SCAF8: variants seen among roughly 807,000 people sequenced by gnomAD.
SCAF8 encodes the protein SR-related and CTD-associated factor 8.
SCAF8 carries 23 observed loss-of-function variants against 140.5 expected under a neutral mutation model. The ratio of observed to expected loss-of-function variants is 0.16; its 90% CI spans 0.12 to 0.23. The LOEUF (loss-of-function observed/expected upper bound fraction) is 0.23, where lower values mean the gene tolerates loss of function less well. SCAF8 is among the 10% of genes least tolerant of loss of function. The probability of loss-of-function intolerance (pLI) is 1.00; values close to 1 mark genes in which losing one functional copy is unlikely to be tolerated. For synonymous variants in SCAF8, 575 were observed against 528.9 expected (o/e 1.09, Z -1.20); for missense variants, 1,397 against 1,555.7 (o/e 0.90, Z 1.72).
In SCAF8 at chr6:154,822,276, A is replaced by T. The variant is rs1426453102; in HGVS notation, c.1793A>T (p.Glu598Val). Residue 598 changes from glutamate to valine, a missense_variant and splice_region_variant, in exon 16 of 20, where the codon GAG becomes GTG. Around this residue, in one of 5 missense-constraint regions of SCAF8, gnomAD observed 930 missense variants for 874.6 expected, o/e 1.06. Transcript: ENST00000367178. ...AATCAATTTCAACTATTTTGTTTAG[A>T]GTGGGAAACTGTGAAAAGCTCAGAA... ...GMIDQETVNT[E>V]WETVKSSEPV... 6.9e-6 allele frequency: 11 copies of T among 1,603,266 alleles called. No homozygotes were observed. Among genetic ancestry groups the T allele is most frequent in the Non-Finnish European group, 9.3e-6 (11 of 1,176,536 alleles).
chr6:154,753,455 A>G (rs1430540360), intron 1 of SCAF8, among the ~76,000 whole-genome samples: 1 of 151,852 alleles, frequency 6.6e-6, no homozygotes, highest in Non-Finnish European at 1.5e-5. Context: ...CGACAGAGCA[A>G]AACTTTGTCT....
At chr6:154,768,852 C>T (rs1021218624) in intron 1 of SCAF8, among the ~76,000 whole-genome samples, 1 of 152,054 alleles carries the variant, frequency 6.6e-6, no homozygotes, top group African/African-American at 2.4e-5. Flanking sequence ...TGCTTGAGCC[C>T]AGGTGTTTGA....
intron 1 of SCAF8, among the ~76,000 whole-genome samples, chr6:154,756,959 G>A (rs1451669292): frequency 2.6e-5 from 4 of 152,168 alleles, no homozygotes; most frequent in Non-Finnish European, 5.9e-5. Context: ...GGGAGACGGA[G>A]GTTGCAGTGA....
At chr6:154,738,686 A>G (rs1209476349) in intron 1 of SCAF8, among the ~76,000 whole-genome samples, 1 of 152,226 alleles carries the variant, frequency 6.6e-6, no homozygotes, top group Non-Finnish European at 1.5e-5. Context: ...CTGCTGCTCT[A>G]AGATGGTGGC....
At chr6:154,784,146 TATATATA>T (rs1777177517) in intron 3 of SCAF8, among the ~76,000 whole-genome samples, 1 of 139,358 alleles carries the variant, frequency 7.2e-6, no homozygotes, top group Non-Finnish European at 1.5e-5. Context: ...TATATATATA[TATATATA>T]TATATTTATT....
chr6:154,829,275 C>G (rs1336097266), intron 18 of SCAF8, among the ~76,000 whole-genome samples: 1 of 149,368 alleles, frequency 6.7e-6, no homozygotes, highest in Non-Finnish European at 1.5e-5. Flanking sequence ...TGCACTCTAG[C>G]TTACTTGGTT....
intron 3 of SCAF8, among the ~76,000 whole-genome samples, chr6:154,783,532 TGTG>T (rs1290870219): frequency 6.6e-6 from 1 of 152,194 alleles, no homozygotes; most frequent in Non-Finnish European, 1.5e-5. Flanking sequence ...GTGGCTTATT[TGTG>T]GTGATTTTCA....
intron 10 of SCAF8, 106 bp downstream of exon 10, chr6:154,808,307 G>A: frequency 1.8e-6 from 2 of 1,135,768 alleles, no homozygotes; most frequent in African/African-American, 1.6e-5. Context: ...CCACACTTAA[G>A]CTCCACTTTG....
At chr6:154,829,139 A>C (rs1014897945) in intron 18 of SCAF8, among the ~76,000 whole-genome samples, 33 of 152,300 alleles carry the variant, frequency 2.2e-4, no homozygotes, top group African/African-American at 7.7e-4. Context: ...TGAACATAAA[A>C]GTTTAATAAA....
chr6:154,826,648 G>A (rs1467653778), intron 17 of SCAF8, among the ~76,000 whole-genome samples: 2 of 152,192 alleles, frequency 1.3e-5, no homozygotes, highest in African/African-American at 4.8e-5. Flanking sequence ...TCGGGAGGCT[G>A]AAGTAGTAGG....
At chr6:154,826,189 T>C (rs942788178) in intron 17 of SCAF8, among the ~76,000 whole-genome samples, 1 of 152,102 alleles carries the variant, frequency 6.6e-6, no homozygotes, top group Non-Finnish European at 1.5e-5. Context: ...TTTTAAATAT[T>C]GAAAAGTTTA....
intron 17 of SCAF8, 52 bp from the exon 18 acceptor site, chr6:154,827,120 A>T: frequency 7.0e-7 from 1 of 1,424,566 alleles, no homozygotes; most frequent in Non-Finnish European, 9.8e-7. Context: ...TCTTTGATTT[A>T]AAATAAGTAA....
At chr6:154,793,609 G>C (rs1212074100) in intron 5 of SCAF8, among the ~76,000 whole-genome samples, 1 of 151,828 alleles carries the variant, frequency 6.6e-6, no homozygotes, top group African/African-American at 2.4e-5. Context: ...GAGGTCAGGA[G>C]TTGGAGAGCA....
intron 1 of SCAF8, among the ~76,000 whole-genome samples, chr6:154,766,658 C>CA (rs1170460858): frequency 1.4e-4 from 16 of 117,034 alleles, no homozygotes; most frequent in Non-Finnish European, 2.1e-4. Context: ...CCTCCAGCAG[C>CA]ACCCCCCCCC....
chr6:154,758,824 G>A (rs1295784909), intron 1 of SCAF8, among the ~76,000 whole-genome samples: 1 of 152,182 alleles, frequency 6.6e-6, no homozygotes, highest in Non-Finnish European at 1.5e-5. Context: ...GGCAAGGCCA[G>A]AAGGGAGAAG....
intron 3 of SCAF8, among the ~76,000 whole-genome samples, chr6:154,784,157 ATT>A (rs1491131134): frequency 1.1e-3 from 136 of 122,088 alleles, no homozygotes; most frequent in Non-Finnish European, 1.5e-3. Context: ...ATATATATAT[ATT>A]TATTTATTTA....
At chr6:154,801,766 G>T (rs986241935) in intron 6 of SCAF8, among the ~76,000 whole-genome samples, 1 of 151,334 alleles carries the variant, frequency 6.6e-6, no homozygotes, top group Non-Finnish European at 1.5e-5. Flanking sequence ...AAAGTTCGCT[G>T]ACTTTCCAGA....
chr6:154,755,116 T>C (rs902465329), intron 1 of SCAF8, among the ~76,000 whole-genome samples: 1 of 152,240 alleles, frequency 6.6e-6, no homozygotes, highest in African/African-American at 2.4e-5. Context: ...TCATTCTTTT[T>C]ATTCTCAGTG....
chr6:154,745,072 A>G (rs868580437), intron 1 of SCAF8, among the ~76,000 whole-genome samples: 19 of 152,236 alleles, frequency 1.2e-4, no homozygotes, highest in African/African-American at 3.6e-4. Context: ...AATCATACCA[A>G]TAATGTCCTT....
Sources: allele counts gnomAD v4.1 joint callset (sites outside exome capture counted in the v4.1 genomes callset), GRCh38; gene constraint gnomAD v4.1.1; regional missense constraint gnomAD v4.1.1; transcripts MANE v1.5; gene names NCBI Gene and HGNC (gene_info 2026-07-23, HGNC 2026-07-21).